NXN: variants seen among roughly 807,000 people sequenced by gnomAD.
The protein encoded by NXN is nucleoredoxin 1.
A neutral mutation model predicts 48.6 loss-of-function variants in NXN; 16 were observed. That is an observed-to-expected ratio of 0.33 (90% CI 0.22 to 0.50). The LOEUF is 0.50. Ranked by LOEUF, NXN falls within the 20% of genes least tolerant of loss-of-function variation. NXN has a pLI of 0.98. For synonymous variants in NXN, 281 were observed against 269.6 expected (o/e 1.04, Z -0.41); for missense variants, 492 against 605.5 (o/e 0.81, Z 1.97).
intron 5 of NXN, among the ~76,000 whole-genome samples, chr17:810,324 C>T (rs73975539): frequency 0.072 from 10,455 of 144,864 alleles, 693 homozygotes; most frequent in Middle Eastern, 0.1. Context: ...GTGCACGTTA[C>T]GAGTGCATGT....
In NXN at chr17:962,172, G is replaced by A. The variant is rs182884733; in HGVS notation, c.360+17147C>T. Among the ~76,000 whole-genome samples, 4 of 152,180 alleles carry A rather than the reference G, an allele frequency of 2.6e-5. No individual in the cohort carries two copies. The East Asian group carries it at 7.7e-4, about 29-fold the overall frequency. On this transcript the variant is annotated intron_variant, in intron 1 of 7. Transcript: ENST00000336868. ...AAGAAGGAACATTCAGGAAAACGGG[G>A]GAGAGTTGTGTGTAATAGTAGGTGA...
At chr17:908,657 G>A (rs1482073225) in intron 1 of NXN, among the ~76,000 whole-genome samples, 3 of 152,146 alleles carry the variant, frequency 2.0e-5, no homozygotes, top group South Asian at 2.1e-4. Flanking sequence ...CCTGGAGAGC[G>A]CTTCAGGGTT....
chr17:841,445 C>CA (rs372878332), intron 1 of NXN, among the ~76,000 whole-genome samples: 3,737 of 29,708 alleles, frequency 0.13, 170 homozygotes, highest in East Asian at 0.3. Context: ...CGAGCAGGTC[C>CA]CCCTGACCAC....
chr17:846,905 T>C (rs1410742090), intron 1 of NXN, among the ~76,000 whole-genome samples: 5 of 152,070 alleles, frequency 3.3e-5, no homozygotes, highest in East Asian at 1.9e-4. Flanking sequence ...GAATAAAAGA[T>C]TGATCAGATT....
chr17:812,073 G>A (rs888813293), intron 5 of NXN, among the ~76,000 whole-genome samples: 12 of 151,326 alleles, frequency 7.9e-5, no homozygotes, highest in South Asian at 2.1e-4. Flanking sequence ...GACTACAGGC[G>A]CCCGTCACCA....
intron 1 of NXN, among the ~76,000 whole-genome samples, chr17:859,711 G>A (rs565646523): frequency 2.0e-5 from 3 of 152,220 alleles, no homozygotes; most frequent in African/African-American, 7.2e-5. Flanking sequence ...CCCATCAAAC[G>A]CGATTCAATG....
At position 978,105 on chromosome 17, in the gene NXN, C is replaced by T. The variant is rs368822374; in HGVS notation, c.360+1214G>A. 6.6e-6 allele frequency among the ~76,000 whole-genome samples: 1 copy of T among 152,148 alleles called. No individual in the cohort carries two copies. Among genetic ancestry groups the T allele is most frequent in the African/African-American group, 2.4e-5 (1 of 41,432 alleles). ...AGTAAATCTAAATCATGCTTCTCAACAAGATTCTGCACATATAAAAGGAAC... is the reference window on the plus strand; with the variant it reads ...AGTAAATCTAAATCATGCTTCTCAATAAGATTCTGCACATATAAAAGGAAC... On this transcript the variant is annotated intron_variant, in intron 1 of 7. Coordinates refer to ENST00000336868, the MANE Select transcript of NXN (RefSeq NM_022463.5). This position sits in a 1 kb window ranked among gnomAD's most constrained non-coding sequence, Gnocchi z 4.1.
intron 1 of NXN, among the ~76,000 whole-genome samples, chr17:900,279 G>A (rs79811026): frequency 5.7e-5 from 3 of 52,768 alleles, no homozygotes; most frequent in Non-Finnish European, 1.3e-4. Context: ...AACAAAAAAA[G>A]GAAAAAAAAA....
At chr17:947,071 G>GC (rs1209077576) in intron 1 of NXN, among the ~76,000 whole-genome samples, 3 of 152,104 alleles carry the variant, frequency 2.0e-5, no homozygotes, top group Non-Finnish European at 4.4e-5. Context: ...CCCAGCACGG[G>GC]CCCCCCACTC....
At position 842,359 on chromosome 17, in the gene NXN, A is replaced by C. The variant is rs568870213; in HGVS notation, c.361-16281T>G. ...ACACAGGGGAGCCGCTGGTGGCCAC[A>C]CAGGTGAAGCATGAAAGGCTAAGAA... On this transcript the variant is annotated intron_variant, in intron 1 of 7. Transcript: ENST00000336868. 2.0e-5 allele frequency among the ~76,000 whole-genome samples: 3 copies of C among 152,358 alleles called. No homozygotes were observed. The South Asian group carries it at 6.2e-4, about 32-fold the overall frequency.
intron 1 of NXN, among the ~76,000 whole-genome samples, chr17:969,626 T>A (rs916532853): frequency 2.6e-5 from 4 of 152,108 alleles, no homozygotes; most frequent in Non-Finnish European, 5.9e-5. Context: ...GAGTAACAGA[T>A]GAGGCAGCTG....
intron 1 of NXN, among the ~76,000 whole-genome samples, chr17:903,015 C>T (rs1170692508): frequency 6.6e-6 from 1 of 151,818 alleles, no homozygotes; most frequent in Non-Finnish European, 1.5e-5. Context: ...AGGTGATCCG[C>T]CCACCTCGGC....
chr17:826,603 C>G (rs1426980309), intron 1 of NXN, among the ~76,000 whole-genome samples: 1 of 152,216 alleles, frequency 6.6e-6, no homozygotes, highest in Admixed American at 6.5e-5. Context: ...TCTCCACGGC[C>G]CCTTCCCCTC....
intron 1 of NXN, among the ~76,000 whole-genome samples, chr17:935,818 C>T (rs958655467): frequency 3.3e-5 from 5 of 152,090 alleles, no homozygotes; most frequent in African/African-American, 7.2e-5. Context: ...CTAGGCCGGG[C>T]GCAGTGACTC....
At chr17:867,004 T>A (rs1246248303) in intron 1 of NXN, among the ~76,000 whole-genome samples, 40 of 137,608 alleles carry the variant, frequency 2.9e-4, no homozygotes, top group Middle Eastern at 4.2e-3. Flanking sequence ...ATTCTCCAGC[T>A]TGGTCAGCAA....
chr17:913,115 C>G (rs979171049), intron 1 of NXN, among the ~76,000 whole-genome samples: 4 of 152,188 alleles, frequency 2.6e-5, no homozygotes, highest in African/African-American at 9.7e-5. Flanking sequence ...TTACAGTCAT[C>G]TCTTTTATAG....
At position 800,803 on chromosome 17, in the gene NXN, T is replaced by G; in HGVS notation, c.*146A>C. On this transcript the variant is annotated 3_prime_UTR_variant, in exon 8 of 8. Coordinates refer to ENST00000336868, the MANE Select transcript of NXN (RefSeq NM_022463.5). ...CACCCCAGGGTGCTGGCTGAGGAGT[T>G]TACTGCAGAAACAAGGCACCACAGA... 5 of 462,632 alleles carry G rather than the reference T, an allele frequency of 1.1e-5. No individual in the cohort carries two copies. Among genetic ancestry groups the G allele is most frequent in the Non-Finnish European group, 1.8e-5 (5 of 276,370 alleles). The allele number at this position is 462,632 out of a possible 1,614,324, so 28.7% of individuals were successfully genotyped here. A position where few individuals can be genotyped will look rare whatever the true frequency, so the allele number is the denominator to read the frequency against.
chr17:851,718 C>G (rs1186826127), intron 1 of NXN, among the ~76,000 whole-genome samples: 1 of 152,200 alleles, frequency 6.6e-6, no homozygotes, highest in Non-Finnish European at 1.5e-5. Context: ...TGAATAGACT[C>G]CTTCAAAAAA....
intron 1 of NXN, among the ~76,000 whole-genome samples, chr17:851,858 T>C (rs2067926513): frequency 6.6e-6 from 1 of 152,238 alleles, no homozygotes; most frequent in South Asian, 2.1e-4. Flanking sequence ...CTGTCTCGCG[T>C]TGCCTGCGGA....
Sources: gnomAD v4.1 joint callset for allele counts (sites outside exome capture counted in the v4.1 genomes callset) on GRCh38, gnomAD v4.1.1 for gene constraint, Gnocchi (gnomAD v3.1) non-coding constraint, MANE v1.5 for transcripts, NCBI Gene and HGNC (gene_info 2026-07-23, HGNC 2026-07-21) for gene names.